The following CPZ variants were observed in gnomAD, a reference collection of about 807,000 sequenced individuals.
CPZ encodes the protein carboxypeptidase Z, also known as VEZT/CPZ fusion.
A neutral mutation model predicts 61.8 loss-of-function variants in CPZ; 103 were observed. The observed-to-expected ratio is 1.67, with a 90% confidence interval of 1.42 to 1.96. CPZ has a LOEUF of 1.96. CPZ is among the 30% of genes most tolerant of loss of function. The probability of loss-of-function intolerance (pLI) is 0.00; values close to 1 mark genes in which losing one functional copy is unlikely to be tolerated. For missense variants in CPZ, 1,461 were observed against 914.9 expected, an observed-to-expected ratio of 1.60 and a Z score of -7.70; for synonymous variants, 551 against 373.7, an observed-to-expected ratio of 1.47 and a Z score of -5.47.
In CPZ at chr4:8,606,726, C is replaced by T. The variant is rs759135388; in HGVS notation, c.907-11C>T. 1 of 1,614,014 alleles carries T rather than the reference C, an allele frequency of 6.2e-7. No homozygotes were observed. The highest frequency in any genetic ancestry group is 8.5e-7 in the Non-Finnish European group (1 of 1,179,976). Reference sequence around the variant, plus strand: ...TGACCCCACCCAGTCGGGGGTTGGCCATGTTTTCAGGGTGCCGGCTACAAC... The same window carrying T: ...TGACCCCACCCAGTCGGGGGTTGGCTATGTTTTCAGGGTGCCGGCTACAAC... On this transcript the variant is annotated splice_polypyrimidine_tract_variant and intron_variant, in intron 5 of 10. Transcript: ENST00000360986.
rs540269696 is a variant in CPZ at position 8,611,885 on chromosome 4, C to T, written c.1228-142C>T. ...TGTGTCCTCTGCAGGACACCGTTCC[C>T]CTCTCCTACCTGCAGACACCATTCC... On this transcript the variant is annotated intron_variant, in intron 7 of 10. Coordinates refer to ENST00000360986, the MANE Select transcript of CPZ (RefSeq NM_001014447.3). 453 of 1,198,404 alleles carry T rather than the reference C, an allele frequency of 3.8e-4. 7 individuals carry two copies. In the South Asian group the frequency reaches 6.0e-3, roughly 16 times the overall value. 74.2% of individuals were successfully genotyped at this position (1,198,404 alleles called of 1,614,324 possible). A position where few individuals can be genotyped will look rare whatever the true frequency, so the allele number is the denominator to read the frequency against.
chr4:8,600,821 T>C, intron 2 of CPZ: 1 of 686,454 alleles, frequency 1.5e-6, no homozygotes, highest in East Asian at 4.5e-5. Flanking sequence ...ATCAGCTGGC[T>C]GCCTTCACGG....
At chr4:8,614,525 G>A (rs1433144671) in intron 9 of CPZ, 27 bp downstream of exon 9, 2 of 1,608,408 alleles carry the variant, frequency 1.2e-6, no homozygotes, top group South Asian at 1.1e-5. Context: ...TCAGGGCTCT[G>A]GTCCAGCTGT....
chr4:8,611,310 G>A (rs1176673849), intron 7 of CPZ: 1 of 455,808 alleles, frequency 2.2e-6, no homozygotes, highest in Non-Finnish European at 4.4e-6. Context: ...CCCCCACAAA[G>A]GAGGATCTGT....
chr4:8,604,091 C>A lies in CPZ; in HGVS notation c.612C>A (p.Cys204Ter). The A allele has an allele frequency of 1.2e-6, 2 of 1,607,226 alleles. No individual in the cohort carries two copies. The highest frequency in any genetic ancestry group is 1.7e-5 in the Admixed American group (1 of 59,548). Reference protein sequence around the residue: ...VRVLRRTASRCAHVARTYSIG... With the variant: ...VRVLRRTASR ...TGCTGAGGCGGACGGCCTCCCGCTG[C>A]GCCCACGTGGCCAGGACCTACAGCA... The change falls in exon 4 of 11, where the codon TGC becomes TGA. Residue 204 changes from cysteine (C) to a stop codon, truncating the protein, a stop_gained. Transcript: ENST00000360986. LOFTEE classifies it high-confidence loss of function.
chr4:8,594,186 A>G (rs1237105404), intron 1 of CPZ, among the ~76,000 whole-genome samples: 1 of 152,102 alleles, frequency 6.6e-6, no homozygotes, highest in Admixed American at 6.5e-5. Flanking sequence ...TTTCTGGGAG[A>G]AATCACTCAT....
At chr4:8,609,068 C>CCCAT (rs1465173920) in intron 7 of CPZ, among the ~76,000 whole-genome samples, 1,207 of 107,508 alleles carry the variant, frequency 0.011, 21 homozygotes, top group African/African-American at 0.038. Context: ...CACTCCCTCA[C>CCCAT]TCACCACTCA....
intron 2 of CPZ, 173 bp downstream of exon 2, chr4:8,599,658 CA>C (rs1346747803): frequency 5.6e-6 from 8 of 1,433,658 alleles, no homozygotes; most frequent in East Asian, 5.2e-5. Context: ...TTAGACATAA[CA>C]AAAAAAGACC....
chr4:8,599,702 G>C (rs566380355), intron 2 of CPZ: 1 of 1,281,492 alleles, frequency 7.8e-7, no homozygotes, highest in African/African-American at 1.5e-5. Context: ...TTCCCACCGG[G>C]CTATGCCCAC....
Position 8,619,244 on chromosome 4 carries a change from T to C in CPZ, c.1604-18T>C, listed in dbSNP as rs1716472717. The C allele has an allele frequency of 6.3e-7, 1 of 1,586,322 alleles. No homozygotes were observed. Among genetic ancestry groups the C allele is most frequent in the African/African-American group, 1.4e-5 (1 of 73,764 alleles). ...CTGCAGTCCTCGTGAGAATCATTTT[T>C]AATCTATTTGTCCACAGCCCCAGAT... On this transcript the variant is annotated intron_variant, in intron 10 of 10. Transcript: ENST00000360986.
chr4:8,609,626 C>G (rs573116333), intron 7 of CPZ, among the ~76,000 whole-genome samples: 2 of 152,326 alleles, frequency 1.3e-5, no homozygotes, highest in African/African-American at 4.8e-5. Flanking sequence ...CCCAGTGTGT[C>G]TCAGCCTCAG....
chr4:8,599,864 C>T (rs577786707), intron 2 of CPZ: 112 of 252,982 alleles, frequency 4.4e-4, no homozygotes, highest in African/African-American at 2.4e-3. Flanking sequence ...TCACCTCCCC[C>T]GCCAGGCCCC....
At chr4:8,610,655 A>T (rs1452154935) in intron 7 of CPZ, among the ~76,000 whole-genome samples, 1 of 152,180 alleles carries the variant, frequency 6.6e-6, no homozygotes, top group African/African-American at 2.4e-5. Flanking sequence ...GATGTGATTC[A>T]TTCTTGATGG....
At position 8,606,111 on chromosome 4, in the gene CPZ, C is replaced by A. The variant is rs149715542; in HGVS notation, c.832C>A (p.Arg278Ser). ...EYLLGNPRIQRLLNTTRIHLL... is the reference protein window; with the variant it reads ...EYLLGNPRIQSLLNTTRIHLL... The stretch of plus-strand genomic sequence containing the variant: ...CCTGCTTGGTAACCCCCGCATCCAG[C>A]GCCTGCTCAACACCACCCGCATCCA... The change falls in exon 5 of 11, where the codon CGC (arginine) becomes AGC (serine). Residue 278 changes from arginine (R) to serine (S), a missense_variant. Transcript: ENST00000360986. 3.7e-6 allele frequency: 6 copies of A among 1,614,068 alleles called. No individual in the cohort carries two copies. Among genetic ancestry groups the A allele is most frequent in the Non-Finnish European group, 5.1e-6 (6 of 1,180,032 alleles).
chr4:8,610,244 T>G (rs559753710), intron 7 of CPZ, among the ~76,000 whole-genome samples: 1 of 152,210 alleles, frequency 6.6e-6, no homozygotes, highest in Admixed American at 6.5e-5. Context: ...TCCTTGCCCA[T>G]GTGCGCCCAG....
intron 2 of CPZ, chr4:8,599,796 G>A: frequency 4.7e-6 from 2 of 421,784 alleles, no homozygotes; most frequent in East Asian, 5.5e-5. Context: ...TTGTCCACAT[G>A]CATTTCATGG....
rs756755100 is a variant in CPZ, at chr4:8,614,495, G to C, written c.1500G>C (p.Glu500Asp). Residue 500 changes from glutamate (E) to aspartate (D), a missense_variant, in exon 9 of 11, where the codon GAG becomes GAC. Glu to Asp is a conservative substitution (Grantham distance 45, BLOSUM62 2). Transcript: ENST00000360986. The part of the protein sequence containing the change: ...HNKESLLNFV[E>D]TVHRGIKGVV... ...AGGAGTCACTCCTGAATTTCGTGGA[G>C]ACGGTGAGTTCTGACGGTCTCAGGG... is the stretch of plus-strand genomic sequence containing the variant. The C allele has an allele frequency of 6.2e-7, 1 of 1,613,426 alleles. No individual in the cohort carries two copies.
chr4:8,604,122 C>A lies in CPZ; in HGVS notation c.643C>A (p.Arg215Ser). ...CGTGGCCAGGACCTACAGCATCGGG[C>A]GCAGCTTCGACGGCAGGGAGCTGCT... ...AHVARTYSIG[R>S]SFDGRELLVI... The change falls in exon 4 of 11, where the codon CGC (arginine) becomes AGC (serine). Residue 215 changes from arginine to serine, a missense_variant. Physicochemically the swap from Arg to Ser is moderately radical, Grantham distance 110. Transcript: ENST00000360986. 1 of 1,598,652 alleles carries A rather than the reference C, an allele frequency of 6.3e-7. No homozygotes were observed. Among genetic ancestry groups the A allele is most frequent in the South Asian group, 1.1e-5 (1 of 89,122 alleles).
At chr4:8,611,880 G>T in intron 7 of CPZ, 147 bp from the exon 8 acceptor site, 1 of 1,179,204 alleles carries the variant, frequency 8.5e-7, no homozygotes. Flanking sequence ...GCAGGACACC[G>T]TTCCCCTCTC....
Sources: allele counts gnomAD v4.1 joint callset (sites outside exome capture counted in the v4.1 genomes callset), GRCh38; gene constraint gnomAD v4.1.1; transcripts MANE v1.5; gene names NCBI Gene and HGNC (gene_info 2026-07-23, HGNC 2026-07-21).